UBR3: variants seen among roughly 807,000 people sequenced by gnomAD.
UBR3 encodes the protein E3 ubiquitin-protein ligase UBR3.
Under a neutral mutation model 243.2 loss-of-function variants are expected in UBR3, and 85 were observed. That is an observed-to-expected ratio of 0.35 (90% CI 0.29 to 0.42). UBR3 has a LOEUF of 0.42. Ranked by LOEUF, UBR3 falls within the 10% of genes least tolerant of loss-of-function variation. The probability of loss-of-function intolerance (pLI) is 1.00; values close to 1 mark genes in which losing one functional copy is unlikely to be tolerated. For missense variants in UBR3, 1,686 were observed against 2,300.8 expected, an observed-to-expected ratio of 0.73 and a Z score of 5.47; for synonymous variants, 748 against 799.8, an observed-to-expected ratio of 0.94 and a Z score of 1.09.
intron 26 of UBR3, among the ~76,000 whole-genome samples, chr2:170,000,088 C>T (rs182195288): frequency 1.3e-3 from 196 of 151,010 alleles, no homozygotes; most frequent in African/African-American, 4.6e-3. Context: ...ATTGCGCCAT[C>T]GCACTCCAGC....
At chr2:169,834,209 A>G (rs976726591) in intron 1 of UBR3, among the ~76,000 whole-genome samples, 1 of 152,186 alleles carries the variant, frequency 6.6e-6, no homozygotes, top group Non-Finnish European at 1.5e-5. Context: ...CCCTTAACAT[A>G]TTTATGGATA....
intron 30 of UBR3, among the ~76,000 whole-genome samples, chr2:170,021,051 T>TATTAAAA: frequency 6.6e-6 from 1 of 152,268 alleles, no homozygotes; most frequent in Middle Eastern, 3.4e-3. Context: ...TTTTAAAGGA[T>TATTAAAA]GGTGATATTA....
intron 2 of UBR3, among the ~76,000 whole-genome samples, chr2:169,872,761 CT>C (rs562496379): frequency 2.6e-4 from 40 of 151,612 alleles, no homozygotes; most frequent in East Asian, 2.3e-3. Context: ...GTTTTATCAA[CT>C]TTTTTTTAGA....
chr2:169,900,722 A>C (rs894668997), intron 8 of UBR3, among the ~76,000 whole-genome samples: 1 of 151,426 alleles, frequency 6.6e-6, no homozygotes, highest in African/African-American at 2.4e-5. Context: ...ATTTGGGAAC[A>C]AGATGAGTCT....
chr2:169,989,380 C>T (rs113109810), intron 25 of UBR3, among the ~76,000 whole-genome samples: 1 of 152,064 alleles, frequency 6.6e-6, no homozygotes, highest in Admixed American at 6.6e-5. Flanking sequence ...TCTTTACCCC[C>T]TCCTCCCATC....
At chr2:170,023,358 CT>C (rs1309581842) in intron 30 of UBR3, among the ~76,000 whole-genome samples, 1 of 151,870 alleles carries the variant, frequency 6.6e-6, no homozygotes, top group Non-Finnish European at 1.5e-5. Flanking sequence ...GTTAAGTTTA[CT>C]TTAGGTGCAT....
intron 1 of UBR3, among the ~76,000 whole-genome samples, chr2:169,838,413 G>A (rs2082183399): frequency 6.8e-6 from 1 of 148,092 alleles, no homozygotes; most frequent in African/African-American, 2.5e-5. Context: ...GTGTGTGTGT[G>A]TGTGTGTGTG....
At chr2:169,836,636 T>TA (rs57218732) in intron 1 of UBR3, among the ~76,000 whole-genome samples, 8,663 of 141,714 alleles carry the variant, frequency 0.061, 453 homozygotes, top group African/African-American at 0.15. Flanking sequence ...ATTCAGAACT[T>TA]AAAAAAAAAA....
At chr2:170,019,936 C>T (rs768399876) in intron 30 of UBR3, among the ~76,000 whole-genome samples, 9 of 151,868 alleles carry the variant, frequency 5.9e-5, no homozygotes, top group Admixed American at 2.0e-4. Flanking sequence ...CCATCAGGCC[C>T]GACTAATTTT....
At chr2:169,995,295 T>TC (rs1168365978) in intron 26 of UBR3, among the ~76,000 whole-genome samples, 1 of 152,164 alleles carries the variant, frequency 6.6e-6, no homozygotes, top group Non-Finnish European at 1.5e-5. Context: ...ATTTAACCCA[T>TC]CACCACTACT....
intron 31 of UBR3, among the ~76,000 whole-genome samples, chr2:170,033,430 T>C: frequency 6.6e-6 from 1 of 151,952 alleles, no homozygotes; most frequent in East Asian, 1.9e-4. Context: ...ACATGATCTT[T>C]AGGCACACAT....
chr2:170,011,953 A>G (rs2090096799), intron 29 of UBR3, among the ~76,000 whole-genome samples: 1 of 152,090 alleles, frequency 6.6e-6, no homozygotes, highest in Admixed American at 6.6e-5. Flanking sequence ...GATTTTTCCA[A>G]GGATTTTTGG....
intron 20 of UBR3, among the ~76,000 whole-genome samples, 159 bp downstream of exon 20, chr2:169,942,793 C>A (rs944871011): frequency 6.6e-6 from 1 of 152,098 alleles, no homozygotes; most frequent in Non-Finnish European, 1.5e-5. Context: ...TATTTGAAAT[C>A]CAAGTTGAAC....
Position 169,949,639 on chromosome 2 carries a change from C to G in UBR3, c.3119C>G (p.Ala1040Gly). The G allele has an allele frequency of 6.5e-7, 1 of 1,549,156 alleles. No homozygotes were observed. The highest frequency in any genetic ancestry group is 8.7e-7 in the Non-Finnish European group (1 of 1,145,924). The change falls in exon 23 of 39, where the codon GCA becomes GGA. Residue 1040 changes from alanine (A) to glycine (G), a missense_variant. Coordinates refer to ENST00000272793, the MANE Select transcript of UBR3 (RefSeq NM_172070.4). ...SGTAQVFSLVAERRKKFQEII... is the reference protein window; with the variant it reads ...SGTAQVFSLVGERRKKFQEII... ...ACAGCTCAAGTTTTCAGTTTAGTAG[C>G]AGAACGTAGAAAGAAATTTCAGGAA...
intron 5 of UBR3, among the ~76,000 whole-genome samples, chr2:169,878,852 A>C (rs1248098326): frequency 1.3e-5 from 2 of 152,198 alleles, no homozygotes; most frequent in African/African-American, 4.8e-5. Flanking sequence ...AAGTGGGTAG[A>C]AAGAGGTAGA....
At position 170,015,374 on chromosome 2, in the gene UBR3, CT is replaced by C; in HGVS notation, c.4453+9del. 1 of 1,581,870 alleles carries C rather than the reference CT, an allele frequency of 6.3e-7. No homozygotes were observed. On this transcript the variant is annotated intron_variant, in intron 30 of 38. Transcript: ENST00000272793. ...GCAAAAGGTCTTGTTTAAGTAAGTACTAAATACTGCTAAATTTAAAAAAAAT... is the reference window on the plus strand; with the variant it reads ...GCAAAAGGTCTTGTTTAAGTAAGTACAAATACTGCTAAATTTAAAAAAAAT...
At chr2:169,923,436 T>A (rs1020876480) in intron 11 of UBR3, among the ~76,000 whole-genome samples, 1 of 152,220 alleles carries the variant, frequency 6.6e-6, no homozygotes, top group Non-Finnish European at 1.5e-5. Context: ...TAGTAGCTCC[T>A]ACCCCATAGC....
chr2:169,930,687 T>C (rs2086089271), intron 18 of UBR3, among the ~76,000 whole-genome samples: 1 of 152,160 alleles, frequency 6.6e-6, no homozygotes, highest in African/African-American at 2.4e-5. Context: ...GCCTAGCCAG[T>C]TTTTTTATCT....
chr2:170,047,807 T>A (rs1030842283), intron 32 of UBR3, among the ~76,000 whole-genome samples: 1 of 152,214 alleles, frequency 6.6e-6, no homozygotes, highest in Non-Finnish European at 1.5e-5. Flanking sequence ...CTTGTCCCTT[T>A]CTCCCTGGGA....
Sources: gnomAD v4.1 joint callset for allele counts (sites outside exome capture counted in the v4.1 genomes callset) on GRCh38, gnomAD v4.1.1 for gene constraint, MANE v1.5 for transcripts, NCBI Gene and HGNC (gene_info 2026-07-23, HGNC 2026-07-21) for gene names.